GRM5: variants seen among roughly 807,000 people sequenced by gnomAD.
GRM5 encodes metabotropic glutamate receptor 5.
GRM5 carries 19 observed loss-of-function variants against 83.1 expected under a neutral mutation model. The observed-to-expected ratio is 0.23, with a 90% confidence interval of 0.16 to 0.34. The LOEUF (loss-of-function observed/expected upper bound fraction) is 0.34, where lower values mean the gene tolerates loss of function less well. Ranked by LOEUF, GRM5 falls within the 10% of genes least tolerant of loss-of-function variation. The pLI, the probability that GRM5 is intolerant of heterozygous loss-of-function variation, is 1.00. For missense variants in GRM5, 1,160 were observed against 1,588.3 expected, an observed-to-expected ratio of 0.73 and a Z score of 4.58; for synonymous variants, 675 against 633.6, an observed-to-expected ratio of 1.07 and a Z score of -0.98.
chr11:89,025,883 A>C (rs1360807718), intron 2 of GRM5, among the ~76,000 whole-genome samples: 1 of 152,210 alleles, frequency 6.6e-6, no homozygotes, highest in Non-Finnish European at 1.5e-5. Flanking sequence ...ACATTCATGC[A>C]TATGTTCCTC....
chr11:88,898,039 G>T (rs1945261067), intron 2 of GRM5, among the ~76,000 whole-genome samples: 1 of 151,894 alleles, frequency 6.6e-6, no homozygotes, highest in Admixed American at 6.6e-5. Context: ...AGAACAAATT[G>T]CAGGACCATG....
intron 2 of GRM5, among the ~76,000 whole-genome samples, chr11:88,924,972 G>C (rs567624283): frequency 6.6e-6 from 1 of 151,808 alleles, no homozygotes; most frequent in Non-Finnish European, 1.5e-5. Flanking sequence ...AATCATTTTG[G>C]GGGAGGGAAG....
chr11:89,014,196 TTTC>T (rs1406947122), intron 2 of GRM5, among the ~76,000 whole-genome samples: 1 of 152,148 alleles, frequency 6.6e-6, no homozygotes, highest in African/African-American at 2.4e-5. Context: ...TATCTTCCCT[TTTC>T]TTTTCACAAT....
At position 88,733,544 on chromosome 11, in the gene GRM5, AC is replaced by A. The variant is rs974324906; in HGVS notation, c.912-80142del. On this transcript the variant is annotated intron_variant, in intron 3 of 9. Coordinates refer to ENST00000305447, the MANE Select transcript of GRM5 (RefSeq NM_001143831.3). ...TGTCTTAATATGGCATACCTTGAAAACCCAGCGAATTTTCTATGAGATTTTC... is the reference window on the plus strand; with the variant it reads ...TGTCTTAATATGGCATACCTTGAAAACCAGCGAATTTTCTATGAGATTTTC... Among the ~76,000 whole-genome samples the A allele has an allele frequency of 2.6e-5, 4 of 151,866 alleles. No individual in the cohort carries two copies. In the East Asian group the frequency reaches 7.8e-4, roughly 29 times the overall value.
intron 7 of GRM5, among the ~76,000 whole-genome samples, chr11:88,578,000 G>A (rs1943148074): frequency 6.6e-6 from 1 of 152,028 alleles, no homozygotes; most frequent in Admixed American, 6.6e-5. Flanking sequence ...GTGGAAATGG[G>A]GAAGTGTATA....
At chr11:88,590,850 C>G in intron 6 of GRM5, 123 bp from the exon 7 acceptor site, 1 of 564,116 alleles carries the variant, frequency 1.8e-6, no homozygotes, top group Non-Finnish European at 3.1e-6. Flanking sequence ...TAAATGTTTT[C>G]AGATAAGCAG....
chr11:88,763,330 A>C (rs185443300), intron 3 of GRM5, among the ~76,000 whole-genome samples: 4 of 151,974 alleles, frequency 2.6e-5, no homozygotes, highest in Admixed American at 2.0e-4. Flanking sequence ...AGCCATAAGA[A>C]GACATAACAA....
intron 3 of GRM5, among the ~76,000 whole-genome samples, chr11:88,711,813 A>G (rs959777210): frequency 3.3e-5 from 5 of 152,044 alleles, no homozygotes; most frequent in Admixed American, 6.6e-5. Context: ...AGACTTTTCC[A>G]AAAACATCAT....
chr11:88,559,261 T>G (rs1942702307), intron 8 of GRM5, among the ~76,000 whole-genome samples: 1 of 152,102 alleles, frequency 6.6e-6, no homozygotes, highest in Admixed American at 6.6e-5. Context: ...AGGGAGCAGT[T>G]TTCAAGGAAA....
At chr11:88,748,137 C>T (rs1291865395) in intron 3 of GRM5, among the ~76,000 whole-genome samples, 3 of 152,238 alleles carry the variant, frequency 2.0e-5, no homozygotes, top group African/African-American at 7.2e-5. Flanking sequence ...CTTTGCAACC[C>T]ATGGATCAAA....
At chr11:88,792,465 A>G (rs976339498) in intron 3 of GRM5, among the ~76,000 whole-genome samples, 2 of 152,246 alleles carry the variant, frequency 1.3e-5, no homozygotes, top group African/African-American at 4.8e-5. Flanking sequence ...ATGGGTTTCC[A>G]TTAACATACT....
intron 2 of GRM5, among the ~76,000 whole-genome samples, chr11:88,922,770 G>T (rs1013545012): frequency 1.3e-5 from 2 of 152,026 alleles, no homozygotes; most frequent in African/African-American, 4.8e-5. Context: ...CAAAGGAAAT[G>T]ATCAACAAAG....
At chr11:88,972,717 T>C (rs1216643655) in intron 2 of GRM5, among the ~76,000 whole-genome samples, 1 of 152,164 alleles carries the variant, frequency 6.6e-6, no homozygotes, top group Non-Finnish European at 1.5e-5. Context: ...AGTATTCACA[T>C]AGTCTCAAAG....
intron 3 of GRM5, among the ~76,000 whole-genome samples, chr11:88,762,590 A>C (rs1036569145): frequency 2.0e-5 from 3 of 152,026 alleles, no homozygotes; most frequent in Non-Finnish European, 4.4e-5. Context: ...GGGTGTGTAA[A>C]CTAGTTCAAC....
At chr11:88,976,240 G>A (rs1189252305) in intron 2 of GRM5, among the ~76,000 whole-genome samples, 2 of 152,094 alleles carry the variant, frequency 1.3e-5, no homozygotes, top group Admixed American at 6.6e-5. Context: ...TAAATATAAT[G>A]AATATTTAAA....
At chr11:89,021,675 A>G (rs1282195219) in intron 2 of GRM5, among the ~76,000 whole-genome samples, 1 of 152,214 alleles carries the variant, frequency 6.6e-6, no homozygotes, top group Non-Finnish European at 1.5e-5. Flanking sequence ...TGAACGGTAG[A>G]GCTAAGAAAT....
chr11:88,543,470 C>T (rs1375964358), intron 8 of GRM5, among the ~76,000 whole-genome samples: 1 of 151,838 alleles, frequency 6.6e-6, no homozygotes, highest in Non-Finnish European at 1.5e-5. Context: ...TATCCCAGTG[C>T]CCACAACAGT....
At chr11:88,799,130 T>A (rs561603464) in intron 3 of GRM5, among the ~76,000 whole-genome samples, 1 of 152,072 alleles carries the variant, frequency 6.6e-6, no homozygotes, top group Non-Finnish European at 1.5e-5. Context: ...TAAAAAGTAT[T>A]TGGCACTTTT....
intron 1 of GRM5, among the ~76,000 whole-genome samples, chr11:89,062,468 C>T (rs1342521904): frequency 1.3e-5 from 2 of 152,188 alleles, no homozygotes; most frequent in Non-Finnish European, 2.9e-5. Flanking sequence ...TCCTGAGAAA[C>T]TCTGAACAAT....
Sources: gnomAD v4.1 joint callset for allele counts (sites outside exome capture counted in the v4.1 genomes callset) on GRCh38, gnomAD v4.1.1 for gene constraint, MANE v1.5 for transcripts, NCBI Gene and HGNC (gene_info 2026-07-23, HGNC 2026-07-21) for gene names.